PLCXD1: variants seen among roughly 807,000 people sequenced by gnomAD.
PLCXD1 encodes phosphatidylinositol specific phospholipase C X domain containing 1.
Under a neutral mutation model 37.8 loss-of-function variants are expected in PLCXD1, and 45 were observed. The ratio of observed to expected loss-of-function variants is 1.19; its 90% CI spans 0.94 to 1.53. The LOEUF (loss-of-function observed/expected upper bound fraction) is 1.53, where lower values mean the gene tolerates loss of function less well. Among genes scored for constraint, PLCXD1 ranks in the 40% most tolerant of loss-of-function variants. The probability of loss-of-function intolerance (pLI) is 0.00; values close to 1 mark genes in which losing one functional copy is unlikely to be tolerated. For missense variants in PLCXD1, 539 were observed against 454.7 expected (o/e 1.19, Z -1.69); for synonymous variants, 246 against 206.9 (o/e 1.19, Z -1.62).
At chrX:291,990 A>G (rs2069650802) in intron 5 of PLCXD1, among the ~76,000 whole-genome samples, 1 of 150,500 alleles carries the variant, frequency 6.6e-6, no homozygotes, top group African/African-American at 2.5e-5. Context: ...ACATGGTGAA[A>G]CCTGGTGTCT....
Position 291,799 on chromosome X carries a change from G to A in PLCXD1, c.549+145G>A, listed in dbSNP as rs1241922573. ...TCGAACGGGGGCTGCCTGCTCTCCC[G>A]CAGTGTGGGGGGCCCTGGCTGACCC... On this transcript the variant is annotated intron_variant, in intron 5 of 6. Coordinates refer to ENST00000381657, the MANE Select transcript of PLCXD1 (RefSeq NM_018390.4). 27 of 908,624 alleles carry A rather than the reference G, an allele frequency of 3.0e-5. No homozygotes were observed. The East Asian group carries it at 3.4e-4, about 11-fold the overall frequency. 56.3% of individuals were successfully genotyped at this position (908,624 alleles called of 1,614,324 possible). A position where few individuals can be genotyped will look rare whatever the true frequency, so the allele number is the denominator to read the frequency against.
At chrX:278,462 G>A (rs1005754530), upstream of PLCXD1, among the ~76,000 whole-genome samples, 6 of 152,112 alleles carry the variant, frequency 3.9e-5, no homozygotes, top group African/African-American at 1.4e-4. Context: ...TTGCTGGCCG[G>A]GCACGGTGGC....
intron 1 of PLCXD1, among the ~76,000 whole-genome samples, chrX:281,990 C>T (rs2069288833): frequency 6.6e-6 from 1 of 151,978 alleles, no homozygotes; most frequent in South Asian, 2.1e-4. Flanking sequence ...TCAGGTGATC[C>T]ACCCACCTCA....
At position 290,668 on chromosome X, in the gene PLCXD1, G is replaced by T; in HGVS notation, c.285G>T (p.Gln95His). 1 of 1,613,864 alleles carries T rather than the reference G, an allele frequency of 6.2e-7. No homozygotes were observed. The highest frequency in any genetic ancestry group is 8.5e-7 in the Non-Finnish European group (1 of 1,179,822). ...SVTQALDVTE[Q>H]LDAGVRYLDL... ...CACAGGCACTGGACGTCACAGAGCA[G>T]CTGGATGCCGGGGTGCGGTACCTGG... Residue 95 changes from glutamine (Q) to histidine (H), a missense_variant, in exon 4 of 7, where the codon CAG becomes CAT. Coordinates refer to ENST00000381657, the MANE Select transcript of PLCXD1 (RefSeq NM_018390.4).
chrX:288,928 C>A, intron 3 of PLCXD1, 59 bp downstream of exon 3: 1 of 1,561,218 alleles, frequency 6.4e-7, no homozygotes, highest in Non-Finnish European at 8.8e-7. Flanking sequence ...GCCCACGGCC[C>A]CGTGGTGCTG....
upstream of PLCXD1, among the ~76,000 whole-genome samples, chrX:278,432 G>A (rs2069196425): frequency 6.6e-6 from 1 of 152,092 alleles, no homozygotes; most frequent in Non-Finnish European, 1.5e-5. Context: ...ACAGGTCTCA[G>A]GACATTTAGA....
At chrX:289,891 G>A (rs2069574996) in intron 3 of PLCXD1, among the ~76,000 whole-genome samples, 1 of 152,144 alleles carries the variant, frequency 6.6e-6, no homozygotes, top group South Asian at 2.1e-4. Flanking sequence ...CGGGTCTGCA[G>A]TTTGCAGTCA....
At chrX:291,703 G>C in intron 5 of PLCXD1, 49 bp downstream of exon 5, 1 of 1,587,616 alleles carries the variant, frequency 6.3e-7, no homozygotes, top group Non-Finnish European at 8.6e-7. Context: ...CAGGGGCATC[G>C]TCAGCCTCAG....
Position 299,284 on chromosome X carries a change from C to T in PLCXD1, c.921C>T (p.Asp307=), listed in dbSNP as rs200102004. The T allele has an allele frequency of 1.9e-5, 30 of 1,613,758 alleles. No individual in the cohort carries two copies. Among genetic ancestry groups the T allele is most frequent in the African/African-American group, 4.0e-5 (3 of 74,910 alleles). The change falls in exon 7 of 7, where the codon GAC becomes GAT. Residue 307 remains aspartate, a synonymous_variant. Transcript: ENST00000381657. ...NIIAGDFIGA[D]GFVSDVIALN... is the part of the protein sequence containing the mutation. ...TCGCGGGGGACTTCATCGGCGCAGA[C>T]GGCTTCGTCAGTGACGTCATCGCGC...
At chrX:286,361 G>A (rs1315404268) in intron 2 of PLCXD1, among the ~76,000 whole-genome samples, 3 of 152,078 alleles carry the variant, frequency 2.0e-5, no homozygotes, top group Non-Finnish European at 2.9e-5. Flanking sequence ...TATTGCACCC[G>A]ACATCTTAGG....
intron 6 of PLCXD1, among the ~76,000 whole-genome samples, chrX:296,681 A>G (rs983123407): frequency 1.2e-4 from 19 of 152,216 alleles, no homozygotes; most frequent in Admixed American, 6.5e-4. Context: ...TATAAGCCTC[A>G]TAAGAGATGG....
chrX:284,851 G>A (rs1190293373), intron 2 of PLCXD1, among the ~76,000 whole-genome samples: 2 of 152,212 alleles, frequency 1.3e-5, no homozygotes, highest in Non-Finnish European at 2.9e-5. Flanking sequence ...GTTACATGGT[G>A]GCAGCCAACA....
chrX:290,328 G>T (rs1429524523), intron 3 of PLCXD1, among the ~76,000 whole-genome samples: 1 of 152,002 alleles, frequency 6.6e-6, no homozygotes, highest in Non-Finnish European at 1.5e-5. Flanking sequence ...TACTGGGGAG[G>T]CTGAGGCAGG....
chrX:285,844 G>A (rs1379890510), intron 2 of PLCXD1, among the ~76,000 whole-genome samples: 1 of 152,092 alleles, frequency 6.6e-6, no homozygotes, highest in Admixed American at 6.6e-5. Context: ...CACATTTGAG[G>A]ACTGCAGCCC....
At chrX:286,457 C>T (rs188349362) in intron 2 of PLCXD1, among the ~76,000 whole-genome samples, 5 of 152,122 alleles carry the variant, frequency 3.3e-5, no homozygotes, top group African/African-American at 1.2e-4. Context: ...CAGGACCAGC[C>T]GCAGACAAAA....
chrX:278,937 C>T (rs557549966), upstream of PLCXD1, among the ~76,000 whole-genome samples: 12 of 152,198 alleles, frequency 7.9e-5, 1 homozygote, highest in South Asian at 1.0e-3. Context: ...AAGAGACCCC[C>T]GAACAGGCTT....
chrX:284,600 GCA>G (rs1396877036), intron 2 of PLCXD1, among the ~76,000 whole-genome samples: 5 of 130,166 alleles, frequency 3.8e-5, no homozygotes, highest in African/African-American at 1.2e-4. Context: ...ACGCACACAC[GCA>G]CACACGCACA....
intron 2 of PLCXD1, among the ~76,000 whole-genome samples, chrX:287,671 C>CA (rs2069501172): frequency 2.9e-5 from 4 of 136,340 alleles, no homozygotes; most frequent in Middle Eastern, 4.5e-3. Flanking sequence ...GATATAGATA[C>CA]TATATATCTT....
At chrX:291,096 C>T (rs2069619790) in intron 4 of PLCXD1, among the ~76,000 whole-genome samples, 1 of 151,874 alleles carries the variant, frequency 6.6e-6, no homozygotes, top group Admixed American at 6.6e-5. Context: ...CACCTATACA[C>T]CAGACAGGAG....
Sources: gnomAD v4.1 joint callset for allele counts (sites outside exome capture counted in the v4.1 genomes callset) on GRCh38, gnomAD v4.1.1 for gene constraint, MANE v1.5 for transcripts, NCBI Gene and HGNC (gene_info 2026-07-23, HGNC 2026-07-21) for gene names.